WWOX: variants seen among roughly 807,000 people sequenced by gnomAD.
The protein encoded by WWOX is WW domain containing oxidoreductase, also known as WW domain-containing oxidoreductase.
In WWOX, 69 loss-of-function variants were observed where a neutral mutation model predicts 46.2. The observed-to-expected ratio is 1.49, with a 90% CI of 1.23 to 1.82. The LOEUF (loss-of-function observed/expected upper bound fraction) is 1.82, where lower values mean the gene tolerates loss of function less well. Among genes scored for constraint, WWOX ranks in the 40% most tolerant of loss-of-function variants. The pLI is 0.00. For missense variants in WWOX, 919 were observed against 542.6 expected, an observed-to-expected ratio of 1.69 and a Z score of -6.89; for synonymous variants, 359 against 202.6, an observed-to-expected ratio of 1.77 and a Z score of -6.56.
At chr16:78,141,244 G>C (rs771898120) in intron 4 of WWOX, among the ~76,000 whole-genome samples, 10 of 152,146 alleles carry the variant, frequency 6.6e-5, no homozygotes, top group Non-Finnish European at 1.0e-4. Flanking sequence ...GTTTGTGATG[G>C]TTAAAGTCCA....
intron 4 of WWOX, among the ~76,000 whole-genome samples, chr16:78,146,914 G>A (rs1416042602): frequency 2.0e-5 from 3 of 152,132 alleles, no homozygotes; most frequent in South Asian, 2.1e-4. Context: ...TGCCTTCCAC[G>A]CGGGACTGTT....
chr16:79,174,163 C>T (rs973274765), intron 8 of WWOX, among the ~76,000 whole-genome samples: 27 of 152,144 alleles, frequency 1.8e-4, no homozygotes, highest in African/African-American at 5.3e-4. Context: ...TACCGGGACA[C>T]GTATTGTAGA....
chr16:78,891,756 T>G (rs1024956297), intron 8 of WWOX: 9 of 151,512 alleles, frequency 5.9e-5, no homozygotes, highest in African/African-American at 2.2e-4. Flanking sequence ...ACAAATGATT[T>G]CGAATCCACT....
chr16:78,381,481 G>A (rs139011235), intron 5 of WWOX, among the ~76,000 whole-genome samples: 7 of 152,332 alleles, frequency 4.6e-5, no homozygotes, highest in East Asian at 1.9e-4. Context: ...GAGCAAGTGG[G>A]CTTCTGAGCT....
At chr16:78,896,606 C>G (rs1027592686) in intron 8 of WWOX, 3 of 152,142 alleles carry the variant, frequency 2.0e-5, no homozygotes, top group Admixed American at 2.0e-4. Flanking sequence ...TTCCACAAAG[C>G]TTGATGTACT....
intron 8 of WWOX, among the ~76,000 whole-genome samples, chr16:78,623,817 T>C (rs1393116770): frequency 2.0e-5 from 3 of 152,016 alleles, no homozygotes; most frequent in African/African-American, 2.4e-5. Context: ...GAAAATAATA[T>C]ACATACATTA....
chr16:78,997,980 G>A (rs561143309), intron 8 of WWOX, among the ~76,000 whole-genome samples: 12 of 152,140 alleles, frequency 7.9e-5, no homozygotes, highest in South Asian at 6.2e-4. Context: ...GGGTTCAAGC[G>A]ATTCTCCTGC....
At chr16:78,175,450 C>T (rs1275492226) in intron 5 of WWOX, among the ~76,000 whole-genome samples, 1 of 152,182 alleles carries the variant, frequency 6.6e-6, no homozygotes, top group African/African-American at 2.4e-5. Context: ...TAGAATTTGG[C>T]AGAAATGGCC....
At chr16:78,397,128 T>C (rs973324069) in intron 6 of WWOX, among the ~76,000 whole-genome samples, 13 of 152,136 alleles carry the variant, frequency 8.5e-5, no homozygotes, top group African/African-American at 1.2e-4. Context: ...CCCCATGATA[T>C]TTCACGGCTG....
chr16:78,295,629 T>G (rs1053741275), intron 5 of WWOX, among the ~76,000 whole-genome samples: 1 of 152,200 alleles, frequency 6.6e-6, no homozygotes, highest in Non-Finnish European at 1.5e-5. Context: ...GAGAATCGCT[T>G]GAACCCAGGA....
intron 8 of WWOX, among the ~76,000 whole-genome samples, chr16:78,463,813 T>C (rs1367671841): frequency 2.0e-5 from 3 of 152,186 alleles, no homozygotes; most frequent in Non-Finnish European, 4.4e-5. Context: ...AAGAAGTGTT[T>C]TATGAGGGAG....
At chr16:78,648,797 A>G (rs2046902161) in intron 8 of WWOX, among the ~76,000 whole-genome samples, 1 of 151,948 alleles carries the variant, frequency 6.6e-6, no homozygotes, top group Admixed American at 6.5e-5. Context: ...TGCCAAACAC[A>G]ACTGATGGTG....
At chr16:78,668,408 G>A (rs557335617) in intron 8 of WWOX, among the ~76,000 whole-genome samples, 4 of 152,320 alleles carry the variant, frequency 2.6e-5, no homozygotes, top group African/African-American at 7.2e-5. Flanking sequence ...GATAAATGTC[G>A]TAAGGTAACC....
At chr16:78,773,567 C>T (rs758690578) in intron 8 of WWOX, among the ~76,000 whole-genome samples, 14 of 152,156 alleles carry the variant, frequency 9.2e-5, no homozygotes, top group Non-Finnish European at 1.5e-4. Context: ...TAGTGGGGCT[C>T]TCACTTATTC....
intron 8 of WWOX, among the ~76,000 whole-genome samples, chr16:79,173,921 A>T (rs1000757841): frequency 6.6e-6 from 1 of 150,868 alleles, no homozygotes; most frequent in South Asian, 2.1e-4. Flanking sequence ...TTCACTTTTC[A>T]AAGTGTTTAA....
At chr16:78,336,109 A>C (rs1173413234) in intron 5 of WWOX, among the ~76,000 whole-genome samples, 1 of 151,950 alleles carries the variant, frequency 6.6e-6, no homozygotes, top group East Asian at 1.9e-4. Flanking sequence ...GAAAAACAAA[A>C]AAAACCAAAA....
chr16:79,172,326 C>T (rs567622492), intron 8 of WWOX, among the ~76,000 whole-genome samples: 3 of 152,180 alleles, frequency 2.0e-5, no homozygotes, highest in South Asian at 2.1e-4. Flanking sequence ...GTGCAGGAAG[C>T]GCGGACTTCA....
At chr16:78,812,575 A>C (rs958808204) in intron 8 of WWOX, among the ~76,000 whole-genome samples, 24 of 152,036 alleles carry the variant, frequency 1.6e-4, no homozygotes, top group Non-Finnish European at 3.1e-4. Context: ...TAAAAAAAAA[A>C]AATTGCCAGG....
At position 78,547,150 on chromosome 16, in the gene WWOX, A is replaced by C. The variant is rs868065599; in HGVS notation, c.1056+114398A>C. 3.2e-4 allele frequency among the ~76,000 whole-genome samples: 47 copies of C among 145,700 alleles called. 1 individual carries two copies. Among genetic ancestry groups the C allele is most frequent in the African/African-American group, 1.0e-3 (42 of 40,466 alleles). On this transcript the variant is annotated intron_variant, in intron 8 of 8. Transcript: ENST00000566780. ...CAGAAAAAAAAAAAAAAAAAAAAAA[A>C]AAAAAAAAACAACTACCAGGCCTGT...
Sources: allele counts gnomAD v4.1 joint callset (sites outside exome capture counted in the v4.1 genomes callset), GRCh38; gene constraint gnomAD v4.1.1; transcripts MANE v1.5; gene names NCBI Gene and HGNC (gene_info 2026-07-23, HGNC 2026-07-21).